Variants in NEB observed in about 807,000 individuals in gnomAD.
The protein encoded by NEB is nemaline myopathy type 2.
In NEB, 512 loss-of-function variants were observed where a neutral mutation model predicts 952.2. The ratio of observed to expected loss-of-function variants is 0.54; its 90% CI spans 0.50 to 0.58. NEB has a LOEUF of 0.58. Ranked by LOEUF, NEB falls within the 20% of genes least tolerant of loss-of-function variation. The pLI is 0.00. For missense variants in NEB, 8,428 were observed against 9,231.1 expected (o/e 0.91, Z 3.56); for synonymous variants, 2,900 against 3,149.8 (o/e 0.92, Z 2.66).
At chr2:151,641,487 C>T (rs2098846561) in intron 60 of NEB, among the ~76,000 whole-genome samples, 1 of 152,168 alleles carries the variant, frequency 6.6e-6, no homozygotes, top group Admixed American at 6.5e-5. Context: ...TGCGCCATCA[C>T]ACCTGGCTAA....
At chr2:151,730,615 TGAAA>T (rs1289680155) in intron 3 of NEB, among the ~76,000 whole-genome samples, 3 of 73,566 alleles carry the variant, frequency 4.1e-5, no homozygotes, top group Non-Finnish European at 9.2e-5. Context: ...CATTTCTTAG[TGAAA>T]AAAAAAAAAA....
chr2:151,610,532 C>A lies in NEB; in HGVS notation c.12002G>T (p.Arg4001Met), dbSNP rs1176189774. Residue 4001 changes from arginine (R) to methionine (M), a missense_variant, in exon 80 of 182, where the codon AGG becomes ATG. Transcript: ENST00000397345. ...AISIKSAKAS[R>M]DIASDYKYKE... ...GGTACTCACGTCACTGGCGATGTCCCTGGAGGCCTTGGCACTTTTGATGGA... is the reference window on the plus strand; with the variant it reads ...GGTACTCACGTCACTGGCGATGTCCATGGAGGCCTTGGCACTTTTGATGGA... 6.2e-7 allele frequency: 1 copy of A among 1,611,458 alleles called. No homozygotes were observed. The highest frequency in any genetic ancestry group is 1.7e-5 in the Admixed American group (1 of 59,998).
intron 13 of NEB, among the ~76,000 whole-genome samples, chr2:151,702,016 C>T (rs541406987): frequency 1.1e-4 from 17 of 149,456 alleles, no homozygotes; most frequent in South Asian, 4.5e-4. Flanking sequence ...GCTATAAATT[C>T]CCCTCTACAC....
At chr2:151,571,780 A>G (rs1010165750) in intron 107 of NEB, among the ~76,000 whole-genome samples, 3 of 152,254 alleles carry the variant, frequency 2.0e-5, no homozygotes, top group Admixed American at 2.0e-4. Context: ...ATAGTAATTT[A>G]AACATATAAT....
At chr2:151,549,076 G>A (rs1243515164) in intron 130 of NEB, among the ~76,000 whole-genome samples, 1 of 152,188 alleles carries the variant, frequency 6.6e-6, no homozygotes, top group Admixed American at 6.5e-5. Context: ...AGGGCAACAT[G>A]AGGGTCATCA....
rs577407348 is a variant in NEB, at chr2:151,561,457, G to A, written c.18997-145C>T. On this transcript the variant is annotated intron_variant, in intron 121 of 181. Transcript: ENST00000397345. Reference sequence around the variant, plus strand: ...CAGGCTGTCATTCTAGAGTCCTGCAGACTTTGTATGGCTGCCAGAATGAAT... The same window carrying A: ...CAGGCTGTCATTCTAGAGTCCTGCAAACTTTGTATGGCTGCCAGAATGAAT... 309 of 630,038 alleles carry A rather than the reference G, an allele frequency of 4.9e-4. 1 individual carries two copies. In the African/African-American group the frequency reaches 5.0e-3, roughly 10 times the overall value. 39.0% of individuals were successfully genotyped at this position (630,038 alleles called of 1,614,324 possible). A position where few individuals can be genotyped will look rare whatever the true frequency, so the allele number is the denominator to read the frequency against.
intron 6 of NEB, 125 bp from the exon 7 acceptor site, chr2:151,725,086 T>C (rs1450819169): frequency 1.5e-5 from 11 of 716,226 alleles, no homozygotes; most frequent in Non-Finnish European, 2.6e-5. Flanking sequence ...GCATAGTTTC[T>C]GCATTTTAGC....
rs1043208896 is a variant in NEB at position 151,656,855 on chromosome 2, A to C, written c.6184-391T>G. ...AAAAGAACACAGAAGATGAAAAAAA[A>C]AAGGCAAAAAAACAGAACATTTCTC... On this transcript the variant is annotated intron_variant, in intron 48 of 181. Transcript: ENST00000397345. Among the ~76,000 whole-genome samples the C allele has an allele frequency of 7.2e-5, 11 of 151,832 alleles. No homozygotes were observed. In the South Asian group the frequency reaches 2.3e-3, roughly 32 times the overall value.
chr2:151,532,980 A>G (rs894521885), intron 143 of NEB, among the ~76,000 whole-genome samples: 9 of 152,212 alleles, frequency 5.9e-5, no homozygotes, highest in African/African-American at 1.9e-4. Context: ...AAGAGGCGCC[A>G]TGAATATATA....
At chr2:151,709,895 A>G (rs2099739191) in intron 11 of NEB, 132 bp from the exon 12 acceptor site, 3 of 659,620 alleles carry the variant, frequency 4.5e-6, no homozygotes, top group East Asian at 5.6e-5. Context: ...TCAGATTACA[A>G]TTAGAGAATG....
chr2:151,636,126 TA>T, intron 64 of NEB, 100 bp downstream of exon 64: 1 of 968,176 alleles, frequency 1.0e-6, no homozygotes, highest in South Asian at 1.6e-5. Context: ...TATATCAGGA[TA>T]TATTTTCAAA....
At chr2:151,698,549 A>T (rs916336749) in intron 13 of NEB, among the ~76,000 whole-genome samples, 28 of 152,064 alleles carry the variant, frequency 1.8e-4, no homozygotes, top group African/African-American at 6.5e-4. Flanking sequence ...AAACTGAATC[A>T]TGAAATGTGA....
At chr2:151,694,694 T>C (rs1007581123) in intron 18 of NEB, 65 bp from the exon 19 acceptor site, 1 of 1,258,306 alleles carries the variant, frequency 7.9e-7, no homozygotes, top group Non-Finnish European at 1.1e-6. Context: ...CTTTAAAGAC[T>C]AGTGGGTAAC....
chr2:151,660,904 A>C (rs750062819), intron 46 of NEB, among the ~76,000 whole-genome samples: 5 of 152,224 alleles, frequency 3.3e-5, no homozygotes, highest in Non-Finnish European at 5.9e-5. Context: ...GAGTACTTGA[A>C]ATGTAGCTAA....
intron 169 of NEB, 143 bp downstream of exon 169, chr2:151,499,155 T>G (rs1337135564): frequency 4.0e-6 from 2 of 498,552 alleles, no homozygotes; most frequent in African/African-American, 3.9e-5. Context: ...GAAAACTGAT[T>G]CATAGGAAAT....
rs1353056754 is a variant in NEB, at chr2:151,656,302, G to A, written c.6346C>T (p.Pro2116Ser). The A allele has an allele frequency of 1.9e-6, 3 of 1,613,586 alleles. No homozygotes were observed. The African/African-American group carries it at 4.0e-5, about 22-fold the overall frequency. ...YENTKTSYHT[P>S]ADMLSVTAAK... ...GCCGTGACACTGAGCATGTCGGCAGGGGTGTGGTAGCTGGTCTTTGTGTTC... is the reference window on the plus strand; with the variant it reads ...GCCGTGACACTGAGCATGTCGGCAGAGGTGTGGTAGCTGGTCTTTGTGTTC... Residue 2116 changes from proline (P) to serine (S), a missense_variant, in exon 49 of 182, where the codon CCT becomes TCT. Physicochemically the swap from Pro to Ser is moderately conservative, Grantham distance 74. Coordinates refer to ENST00000397345, the MANE Select transcript of NEB (RefSeq NM_001164508.2).
intron 157 of NEB, 66 bp downstream of exon 157, chr2:151,516,393 A>G (rs77279207): frequency 0.022 from 24,647 of 1,130,666 alleles, 360 homozygotes; most frequent in African/African-American, 0.054. Context: ...TGGCCATGTC[A>G]TGGGCAGAGC....
intron 13 of NEB, among the ~76,000 whole-genome samples, chr2:151,705,554 T>C (rs776307819): frequency 6.6e-6 from 1 of 152,124 alleles, no homozygotes; most frequent in Non-Finnish European, 1.5e-5. Flanking sequence ...TACCATTCAA[T>C]CCAGCAATCC....
At chr2:151,658,738 G>A (rs2099113627) in intron 47 of NEB, among the ~76,000 whole-genome samples, 1 of 152,130 alleles carries the variant, frequency 6.6e-6, no homozygotes, top group South Asian at 2.1e-4. Context: ...GGCTGTCTAA[G>A]AACGAAATTC....
Sources: allele counts gnomAD v4.1 joint callset (sites outside exome capture counted in the v4.1 genomes callset), GRCh38; gene constraint gnomAD v4.1.1; transcripts MANE v1.5; gene names NCBI Gene and HGNC (gene_info 2026-07-23, HGNC 2026-07-21).